Variants in TMEM132D observed in about 807,000 individuals in gnomAD.
The protein encoded by TMEM132D is mature OL transmembrane protein.
In TMEM132D, 21 loss-of-function variants were observed where a neutral mutation model predicts 62.3. The ratio of observed to expected loss-of-function variants is 0.34; its 90% CI spans 0.24 to 0.49. The LOEUF is 0.49. TMEM132D is among the 20% of genes least tolerant of loss of function. The probability of loss-of-function intolerance (pLI) is 0.99; values close to 1 mark genes in which losing one functional copy is unlikely to be tolerated. For synonymous variants in TMEM132D, 621 were observed against 575.6 expected, an observed-to-expected ratio of 1.08 and a Z score of -1.13; for missense variants, 1,346 against 1,402.8, an observed-to-expected ratio of 0.96 and a Z score of 0.65.
intron 1 of TMEM132D, among the ~76,000 whole-genome samples, chr12:129,831,893 C>T: frequency 1.1e-5 from 1 of 91,906 alleles, no homozygotes; most frequent in African/African-American, 3.6e-5. Flanking sequence ...TTTTTTGAGA[C>T]TGAGTCTTGC....
intron 2 of TMEM132D, among the ~76,000 whole-genome samples, chr12:129,688,203 T>C (rs1435645416): frequency 6.6e-6 from 1 of 152,160 alleles, no homozygotes; most frequent in Non-Finnish European, 1.5e-5. Context: ...AAACAGGCAT[T>C]TACTTACATG....
intron 2 of TMEM132D, among the ~76,000 whole-genome samples, chr12:129,636,737 T>TGTGTGTGTGTGTGTGAGAGAGA (rs375868329): frequency 8.1e-4 from 92 of 113,622 alleles, no homozygotes; most frequent in South Asian, 5.4e-3. Context: ...TGTGTGTGTG[T>TGTGTGTGTGTGTGTGAGAGAGA]GAGAGAGAGA....
chr12:129,287,727 A>G (rs187992997), intron 4 of TMEM132D, among the ~76,000 whole-genome samples: 98 of 96,972 alleles, frequency 1.0e-3, no homozygotes, highest in African/African-American at 2.8e-3. Flanking sequence ...CAAAACTTTC[A>G]TGGTATTCAT....
chr12:129,713,848 G>T (rs1024457200), intron 1 of TMEM132D, among the ~76,000 whole-genome samples: 6 of 152,162 alleles, frequency 3.9e-5, no homozygotes, highest in African/African-American at 1.4e-4. Flanking sequence ...TGGAACTCAA[G>T]AATTTGCATT....
intron 4 of TMEM132D, among the ~76,000 whole-genome samples, chr12:129,291,862 C>T (rs956026273): frequency 4.6e-5 from 7 of 151,962 alleles, no homozygotes; most frequent in African/African-American, 1.7e-4. Flanking sequence ...TGGGGAAGGT[C>T]AAAGCCAACA....
chr12:129,795,148 C>T (rs188736157), intron 1 of TMEM132D, among the ~76,000 whole-genome samples: 1 of 152,334 alleles, frequency 6.6e-6, no homozygotes, highest in Non-Finnish European at 1.5e-5. Flanking sequence ...TAACATGATA[C>T]TCCATTTGAA....
At chr12:129,297,723 C>T (rs552291192) in intron 4 of TMEM132D, among the ~76,000 whole-genome samples, 22 of 152,224 alleles carry the variant, frequency 1.4e-4, no homozygotes, top group African/African-American at 4.6e-4. Context: ...ACTGGATAAG[C>T]GAGGTTATCA....
chr12:129,539,636 T>G (rs528095504), intron 2 of TMEM132D, among the ~76,000 whole-genome samples: 2 of 151,358 alleles, frequency 1.3e-5, no homozygotes, highest in South Asian at 2.1e-4. Flanking sequence ...GATTTCAAAC[T>G]CCTGGGCTCA....
chr12:129,350,402 T>C (rs1869825841), intron 3 of TMEM132D, among the ~76,000 whole-genome samples: 1 of 152,164 alleles, frequency 6.6e-6, no homozygotes, highest in Non-Finnish European at 1.5e-5. Flanking sequence ...TGGGAATAAA[T>C]AGTTGGGTCC....
At chr12:129,703,133 G>A (rs1359505625) in intron 1 of TMEM132D, among the ~76,000 whole-genome samples, 1 of 152,218 alleles carries the variant, frequency 6.6e-6, no homozygotes, top group African/African-American at 2.4e-5. Flanking sequence ...AACAGCCAAA[G>A]CCAGACAACC....
intron 1 of TMEM132D, among the ~76,000 whole-genome samples, chr12:129,801,081 C>T (rs562436957): frequency 6.6e-6 from 1 of 152,212 alleles, no homozygotes; most frequent in Non-Finnish European, 1.5e-5. Context: ...CAGAGTCTCC[C>T]TGATGGCTAG....
intron 3 of TMEM132D, among the ~76,000 whole-genome samples, chr12:129,415,855 C>A (rs1872104532): frequency 6.6e-6 from 1 of 152,174 alleles, no homozygotes; most frequent in African/African-American, 2.4e-5. Context: ...CTTTCCTTTT[C>A]AACCAGAGCC....
chr12:129,337,525 G>A, intron 4 of TMEM132D, 109 bp downstream of exon 4: 2 of 1,352,474 alleles, frequency 1.5e-6, no homozygotes, highest in Non-Finnish European at 2.1e-6. Context: ...TCACTGTCCT[G>A]ATTCTTGGCT....
chr12:129,245,935 C>G (rs1483726232), intron 4 of TMEM132D, among the ~76,000 whole-genome samples: 2 of 152,122 alleles, frequency 1.3e-5, no homozygotes, highest in African/African-American at 4.8e-5. Context: ...ACTAGAAAAT[C>G]TGCCACTCTT....
At chr12:129,669,724 A>G (rs1487402294) in intron 2 of TMEM132D, among the ~76,000 whole-genome samples, 3 of 69,390 alleles carry the variant, frequency 4.3e-5, no homozygotes, top group African/African-American at 1.3e-4. Flanking sequence ...AAATAAATAA[A>G]TAAATAAATA....
intron 1 of TMEM132D, among the ~76,000 whole-genome samples, chr12:129,742,399 C>T (rs1445645846): frequency 6.6e-6 from 1 of 151,994 alleles, no homozygotes; most frequent in African/African-American, 2.4e-5. Flanking sequence ...AAGAAGAGGT[C>T]CCAGACTCTT....
chr12:129,111,511 T>A (rs1344574859), intron 5 of TMEM132D: 1 of 152,224 alleles, frequency 6.6e-6, no homozygotes, highest in Non-Finnish European at 1.5e-5. Context: ...TTTGCACTGA[T>A]CACTGTGAGT....
intron 1 of TMEM132D, among the ~76,000 whole-genome samples, chr12:129,769,197 C>T (rs2137281122): frequency 6.6e-6 from 1 of 152,276 alleles, no homozygotes; most frequent in South Asian, 2.1e-4. Flanking sequence ...TGTTCTCAAA[C>T]TGCTAATAAA....
At chr12:129,476,496 C>T (rs1464856557) in intron 3 of TMEM132D, among the ~76,000 whole-genome samples, 5 of 152,154 alleles carry the variant, frequency 3.3e-5, no homozygotes, top group African/African-American at 1.2e-4. Flanking sequence ...CACAGAATTG[C>T]TTGCGTGTGC....
Sources: allele counts gnomAD v4.1 joint callset (sites outside exome capture counted in the v4.1 genomes callset), GRCh38; gene constraint gnomAD v4.1.1; transcripts MANE v1.5; gene names NCBI Gene and HGNC (gene_info 2026-07-23, HGNC 2026-07-21).